Variants in VMP1 observed in about 807,000 individuals in gnomAD.
The protein encoded by VMP1 is ectopic P-granules autophagy protein 3 homolog.
A neutral mutation model predicts 56.0 loss-of-function variants in VMP1; 11 were observed. That is an observed-to-expected ratio of 0.20 (90% CI 0.12 to 0.32). The LOEUF is 0.32. Among genes scored for constraint, VMP1 ranks in the 10% least tolerant of loss-of-function variants. The pLI is 1.00. For missense variants in VMP1, 296 were observed against 490.3 expected, an observed-to-expected ratio of 0.60 and a Z score of 3.74; for synonymous variants, 149 against 165.0, an observed-to-expected ratio of 0.90 and a Z score of 0.74.
At chr17:59,833,655 T>C (rs1809635848) in intron 10 of VMP1, among the ~76,000 whole-genome samples, 1 of 152,240 alleles carries the variant, frequency 6.6e-6, no homozygotes, top group South Asian at 2.1e-4. Context: ...ATCATGTGAA[T>C]ACACATCATA....
In VMP1 at chr17:59,839,779, G is replaced by T; in HGVS notation, c.1089G>T (p.Trp363Cys). 6.2e-7 allele frequency: 1 copy of T among 1,609,972 alleles called. No individual in the cohort carries two copies. The highest frequency in any genetic ancestry group is 2.2e-5 in the East Asian group (1 of 44,830). The part of the protein sequence containing the change: ...SEMGTPQGEN[W>C]LSWMFEKLVV... ...ATTTATTTCTACAGGGAGAAAACTG[G>T]TTGTCCTGGATGTTTGAAAAGTTGG... The change falls in exon 12 of 12, where the codon TGG becomes TGT. Residue 363 changes from tryptophan to cysteine, a missense_variant. Trp to Cys is a radical substitution (Grantham distance 215, BLOSUM62 -2). Coordinates refer to ENST00000262291, the MANE Select transcript of VMP1 (RefSeq NM_030938.5).
intron 10 of VMP1, among the ~76,000 whole-genome samples, chr17:59,831,699 G>A (rs1374773435): frequency 6.7e-6 from 1 of 148,642 alleles, no homozygotes; most frequent in African/African-American, 2.5e-5. Context: ...ATGTAAGCAT[G>A]GGAAAATATT....
In VMP1 at chr17:59,817,761, T is replaced by C; in HGVS notation, c.962T>C (p.Val321Ala). ...AGCAAGCACATAGTGGAGCAAATGG[T>C]GGCTTTCATTGGGTAAGTAATTCTT... ...TFSKHIVEQM[V>A]AFIGAVPGIG... Residue 321 changes from valine (V) to alanine (A), a missense_variant, in exon 10 of 12, where the codon GTG (valine) becomes GCG (alanine). Val to Ala is a moderately conservative substitution (Grantham distance 64). Transcript: ENST00000262291. 10 of 1,607,606 alleles carry C rather than the reference T, an allele frequency of 6.2e-6. No individual in the cohort carries two copies. The highest frequency in any genetic ancestry group is 1.1e-5 in the South Asian group (1 of 89,866).
chr17:59,744,196 C>T (rs1405847001), intron 5 of VMP1, among the ~76,000 whole-genome samples: 1 of 151,528 alleles, frequency 6.6e-6, no homozygotes, highest in African/African-American at 2.4e-5. Context: ...CGCGGTGGCT[C>T]ATGCCTGTAA....
At chr17:59,734,239 A>G (rs1034106348) in intron 2 of VMP1, among the ~76,000 whole-genome samples, 3 of 151,262 alleles carry the variant, frequency 2.0e-5, no homozygotes, top group African/African-American at 7.4e-5. Flanking sequence ...GGCAACTATA[A>G]TATAGTAGCC....
intron 1 of VMP1, among the ~76,000 whole-genome samples, chr17:59,713,482 A>G (rs964717932): frequency 1.6e-4 from 24 of 152,046 alleles, no homozygotes; most frequent in Non-Finnish European, 2.5e-4. Flanking sequence ...CAAATACGGG[A>G]TAGTATTTTC....
chr17:59,816,497 G>A (rs1005826261), intron 9 of VMP1, among the ~76,000 whole-genome samples: 2 of 152,122 alleles, frequency 1.3e-5, no homozygotes, highest in Non-Finnish European at 2.9e-5. Context: ...GAGATTCATA[G>A]TGAGTGGATA....
chr17:59,732,890 G>A (rs755030241), intron 2 of VMP1, among the ~76,000 whole-genome samples: 5 of 152,180 alleles, frequency 3.3e-5, no homozygotes, highest in Non-Finnish European at 5.9e-5. Flanking sequence ...TTCTTAGGCT[G>A]GGCGTGGTGA....
intron 11 of VMP1, chr17:59,839,410 T>C (rs1197840056): frequency 1.0e-5 from 2 of 196,094 alleles, no homozygotes; most frequent in African/African-American, 4.7e-5. Context: ...CTCCTAATAC[T>C]GGAACAAAAA....
rs3065089 is a variant in VMP1, at chr17:59,813,974, A to ATGATTGATTGAT, written c.912+2198_912+2209dup. Among the ~76,000 whole-genome samples, 433 of 151,068 alleles carry ATGATTGATTGAT rather than the reference A, an allele frequency of 2.9e-3. 1 individual carries two copies. The highest frequency in any genetic ancestry group is 8.1e-3 in the African/African-American group (334 of 41,174). On this transcript the variant is annotated intron_variant, in intron 9 of 11. Coordinates refer to ENST00000262291, the MANE Select transcript of VMP1 (RefSeq NM_030938.5). ...CATACTCAGATTTTTTCAATTTATG[A>ATGATTGATTGAT]TGATTGATTGATTGATTGATTTTTG...
rs1179269248 is a variant in VMP1 at position 59,772,950 on chromosome 17, CTTTTTTTTTTT to C, written c.583-784_583-774del. Among the ~76,000 whole-genome samples the C allele has an allele frequency of 3.9e-4, 22 of 55,714 alleles. No individual in the cohort carries two copies. The Admixed American group carries it at 4.0e-3, about 10-fold the overall frequency. The allele number at this position is 55,714 out of a possible 152,430, so 36.6% of individuals were successfully genotyped here. On this transcript the variant is annotated intron_variant, in intron 6 of 11. Coordinates refer to ENST00000262291, the MANE Select transcript of VMP1 (RefSeq NM_030938.5). The stretch of plus-strand genomic sequence containing the variant: ...TATCTAACACATATACTGGTGAATT[CTTTTTTTTTTT>C]TTTTTTTTTTTTTTTTTTTGAGACA...
At chr17:59,785,067 G>T (rs1015555945) in intron 7 of VMP1, 1 of 152,186 alleles carries the variant, frequency 6.6e-6, no homozygotes, top group South Asian at 2.1e-4. Context: ...TTATTTGCAT[G>T]ATGTATCCTG....
At chr17:59,812,219 A>G (rs903884680) in intron 9 of VMP1, among the ~76,000 whole-genome samples, 1 of 151,992 alleles carries the variant, frequency 6.6e-6, no homozygotes, top group African/African-American at 2.4e-5. Flanking sequence ...TCTTTCACAT[A>G]CTCTATATAT....
chr17:59,833,898 A>C (rs1297975928), intron 10 of VMP1: 1 of 152,180 alleles, frequency 6.6e-6, no homozygotes, highest in Non-Finnish European at 1.5e-5. Context: ...ATTTTCTCTT[A>C]AATAATGGCT....
At chr17:59,749,273 T>C (rs1055714539) in intron 5 of VMP1, among the ~76,000 whole-genome samples, 2 of 151,870 alleles carry the variant, frequency 1.3e-5, no homozygotes, top group Non-Finnish European at 2.9e-5. Flanking sequence ...TTTTTAAATA[T>C]ATGTTTAAAG....
rs35948198 is a variant in VMP1, at chr17:59,750,926, C to CTTTT, written c.414+11999_414+12002dup. Among the ~76,000 whole-genome samples the CTTTT allele has an allele frequency of 5.2e-4, 47 of 91,016 alleles. 1 individual carries two copies. Among genetic ancestry groups the CTTTT allele is most frequent in the African/African-American group, 8.8e-4 (18 of 20,432 alleles). 59.7% of individuals were successfully genotyped at this position (91,016 alleles called of 152,430 possible). A position where few individuals can be genotyped will look rare whatever the true frequency, so the allele number is the denominator to read the frequency against. On this transcript the variant is annotated intron_variant, in intron 5 of 11. Transcript: ENST00000262291. ...CTGGCAGATTTTTCCAAGATAGCAC[C>CTTTT]TTTTTTTTTTTTTTTTTTTTTTTGG...
intron 5 of VMP1, among the ~76,000 whole-genome samples, chr17:59,761,901 G>T (rs180724558): frequency 6.6e-6 from 1 of 152,010 alleles, no homozygotes; most frequent in Non-Finnish European, 1.5e-5. Flanking sequence ...TCCTGAACTC[G>T]TGAACCCCAA....
At chr17:59,819,962 C>T (rs1289818387) in intron 10 of VMP1, among the ~76,000 whole-genome samples, 23 of 152,188 alleles carry the variant, frequency 1.5e-4, no homozygotes. Context: ...TAGGAAGTTA[C>T]ATTACTTAGC....
chr17:59,800,398 C>T (rs1341711526), intron 7 of VMP1, among the ~76,000 whole-genome samples: 1 of 152,128 alleles, frequency 6.6e-6, no homozygotes, highest in Non-Finnish European at 1.5e-5. Flanking sequence ...CATTGCTTGG[C>T]GTGCATATTT....
Sources: allele counts gnomAD v4.1 joint callset (sites outside exome capture counted in the v4.1 genomes callset), GRCh38; gene constraint gnomAD v4.1.1; transcripts MANE v1.5; gene names NCBI Gene and HGNC (gene_info 2026-07-23, HGNC 2026-07-21).